The following TSGA10 variants were observed in gnomAD, a reference collection of about 807,000 sequenced individuals.
TSGA10 encodes the protein testis specific 10, also known as testis-specific gene 10 protein.
TSGA10 carries 43 observed loss-of-function variants against 96.6 expected under a neutral mutation model. The observed-to-expected ratio is 0.44, with a 90% CI of 0.35 to 0.57. The LOEUF (loss-of-function observed/expected upper bound fraction) is 0.57. TSGA10 is among the 20% of genes least tolerant of loss of function. The pLI, the probability that TSGA10 is intolerant of heterozygous loss-of-function variation, is 0.01. For missense variants in TSGA10, 703 were observed against 834.4 expected (o/e 0.84, Z 1.94); for synonymous variants, 229 against 269.9 (o/e 0.85, Z 1.48).
chr2:99,112,427 A>G (rs1300561467), intron 4 of TSGA10, among the ~76,000 whole-genome samples: 2 of 152,172 alleles, frequency 1.3e-5, no homozygotes, highest in Non-Finnish European at 2.9e-5. Flanking sequence ...AGAATAGACA[A>G]TAATAAACCT....
intron 10 of TSGA10, among the ~76,000 whole-genome samples, chr2:99,100,038 T>C (rs1233976434): frequency 6.6e-6 from 1 of 152,078 alleles, no homozygotes; most frequent in Non-Finnish European, 1.5e-5. Context: ...CTGAAAAATA[T>C]AGAGAGATAT....
intron 10 of TSGA10, among the ~76,000 whole-genome samples, chr2:99,099,595 A>G (rs2090468581): frequency 6.6e-6 from 1 of 152,210 alleles, no homozygotes. Context: ...CAATTTCAAC[A>G]TTCATGTATG....
chr2:99,048,469 A>G (rs2083030750), intron 16 of TSGA10, among the ~76,000 whole-genome samples: 2 of 152,232 alleles, frequency 1.3e-5, no homozygotes, highest in Admixed American at 1.3e-4. Context: ...TGACAAAAAC[A>G]AGAAATGGGG....
At chr2:99,049,810 A>G (rs1573853934) in intron 16 of TSGA10, among the ~76,000 whole-genome samples, 1 of 152,216 alleles carries the variant, frequency 6.6e-6, no homozygotes, top group Non-Finnish European at 1.5e-5. Flanking sequence ...CAGATCCACC[A>G]TATAAGAAAC....
At position 99,010,259 on chromosome 2, in the gene TSGA10, C is replaced by T. The variant is rs140281212; in HGVS notation, c.2072+7941G>A. Among the ~76,000 whole-genome samples, 90 of 152,262 alleles carry T rather than the reference C, an allele frequency of 5.9e-4. 4 individuals are homozygous for T. In the East Asian group the frequency reaches 0.016, roughly 27 times the overall value. On this transcript the variant is annotated intron_variant, in intron 20 of 20. Transcript: ENST00000393483. ...AGACAGGTCTAACGTGCAGCTCCCA[C>T]ATGGAAGGACAGAACAGTGTTAGAG...
rs1293334368 is a variant in TSGA10, at chr2:99,105,641, A to G, written c.267T>C (p.Pro89=). The change falls in exon 8 of 21, where the codon CCT becomes CCC. Residue 89 remains proline (P), a synonymous_variant. Transcript: ENST00000393483. ...GAATAGCATGTGCCGTTGTTGATTT[A>G]GGACTCTTACAGCTTTTCATCATTT... ...RREMMKSCKS[P]KSTTAHAILR... 2 of 1,605,526 alleles carry G rather than the reference A, an allele frequency of 1.2e-6. No homozygotes were observed. Among genetic ancestry groups the G allele is most frequent in the East Asian group, 2.2e-5 (1 of 44,534 alleles).
At chr2:99,048,926 T>G (rs1039545168) in intron 16 of TSGA10, among the ~76,000 whole-genome samples, 1 of 152,016 alleles carries the variant, frequency 6.6e-6, no homozygotes, top group Non-Finnish European at 1.5e-5. Flanking sequence ...GCAAAGGATA[T>G]GAACAGGCAC....
chr2:99,109,497 G>A lies in TSGA10; in HGVS notation c.-58C>T. On this transcript the variant is annotated 5_prime_UTR_variant, in exon 6 of 21. Coordinates refer to ENST00000393483, the MANE Select transcript of TSGA10 (RefSeq NM_025244.4). Reference sequence around the variant, plus strand: ...GATCTTTGTCTGCTTCCAAAGTCTTGACAAAGGAATCAAGTCTAGAAGGAG... The same window carrying A: ...GATCTTTGTCTGCTTCCAAAGTCTTAACAAAGGAATCAAGTCTAGAAGGAG... The A allele has an allele frequency of 8.8e-6, 14 of 1,596,572 alleles. No individual in the cohort carries two copies. Among genetic ancestry groups the A allele is most frequent in the Non-Finnish European group, 1.2e-5 (14 of 1,169,456 alleles).
chr2:99,037,359 A>G (rs955535213), intron 16 of TSGA10, among the ~76,000 whole-genome samples: 1 of 152,208 alleles, frequency 6.6e-6, no homozygotes, highest in Non-Finnish European at 1.5e-5. Flanking sequence ...GAAAATCCCA[A>G]AATATTTAGA....
At chr2:99,051,908 A>T (rs984062746) in intron 16 of TSGA10, among the ~76,000 whole-genome samples, 1 of 152,120 alleles carries the variant, frequency 6.6e-6, no homozygotes, top group Non-Finnish European at 1.5e-5. Flanking sequence ...TCAAAAGGAA[A>T]ATTGGAAAAT....
At chr2:99,026,539 C>T (rs898099265) in intron 17 of TSGA10, among the ~76,000 whole-genome samples, 2 of 151,988 alleles carry the variant, frequency 1.3e-5, no homozygotes, top group African/African-American at 4.8e-5. Context: ...CCTGCCTCAG[C>T]CTCCCAAGTA....
At chr2:99,006,073 G>A (rs1179293694) in intron 20 of TSGA10, among the ~76,000 whole-genome samples, 4 of 152,204 alleles carry the variant, frequency 2.6e-5, no homozygotes, top group Admixed American at 1.3e-4. Flanking sequence ...ATGATGCTGG[G>A]AAAACTGGCT....
chr2:99,102,243 C>A (rs953270532), intron 10 of TSGA10: 26 of 1,611,950 alleles, frequency 1.6e-5, no homozygotes, highest in Admixed American at 6.7e-5. Context: ...GAAGTTAGTA[C>A]CTGGTGGCAA....
chr2:99,074,721 G>A (rs1458317891), intron 12 of TSGA10, among the ~76,000 whole-genome samples: 1 of 152,172 alleles, frequency 6.6e-6, no homozygotes, highest in African/African-American at 2.4e-5. Flanking sequence ...AGCACTTTGA[G>A]AGGGTGAGGC....
chr2:99,076,268 TCA>T (rs2086689953), intron 12 of TSGA10, among the ~76,000 whole-genome samples: 1 of 152,214 alleles, frequency 6.6e-6, no homozygotes, highest in African/African-American at 2.4e-5. Flanking sequence ...CCTATTTCTC[TCA>T]CTGATACTCC....
At chr2:99,006,237 G>A (rs1298167756) in intron 20 of TSGA10, among the ~76,000 whole-genome samples, 26 of 152,112 alleles carry the variant, frequency 1.7e-4, no homozygotes, top group Admixed American at 3.3e-4. Flanking sequence ...GCATGGGCAA[G>A]GACTTCATGT....
Position 99,119,822 on chromosome 2 carries a change from C to T in TSGA10, c.-491-1136G>A, listed in dbSNP as rs188150223. On this transcript the variant is annotated intron_variant, in intron 2 of 20. Coordinates refer to ENST00000393483, the MANE Select transcript of TSGA10 (RefSeq NM_025244.4). ...TTCACTGTTTACTTATTTTACCCTA[C>T]CCTTATTATTTCAGCTACTTTCTTT... 1.6e-3 allele frequency among the ~76,000 whole-genome samples: 243 copies of T among 152,236 alleles called. 2 individuals carry two copies. The highest frequency in any genetic ancestry group is 8.0e-3 in the Admixed American group (122 of 15,294).
chr2:99,078,549 A>G (rs1217862192), intron 12 of TSGA10, 110 bp downstream of exon 12: 1 of 1,166,274 alleles, frequency 8.6e-7, no homozygotes, highest in Non-Finnish European at 1.2e-6. Flanking sequence ...CTAGAAAAAC[A>G]TTTGAGAAAA....
intron 15 of TSGA10, among the ~76,000 whole-genome samples, chr2:99,067,878 T>C (rs959560818): frequency 9.9e-5 from 15 of 152,080 alleles, no homozygotes; most frequent in Admixed American, 6.6e-5. Context: ...GGATATTCAT[T>C]TATTTATTTC....
Sources: gnomAD v4.1 joint callset for allele counts (sites outside exome capture counted in the v4.1 genomes callset) on GRCh38, gnomAD v4.1.1 for gene constraint, MANE v1.5 for transcripts, NCBI Gene and HGNC (gene_info 2026-07-23, HGNC 2026-07-21) for gene names.